Variants in HSP90AA1 observed in about 807,000 individuals in gnomAD.
The protein encoded by HSP90AA1 is heat shock protein 90 alpha family class A member 1.
In HSP90AA1, 18 loss-of-function variants were observed where a neutral mutation model predicts 73.3. The ratio of observed to expected loss-of-function variants is 0.25; its 90% CI spans 0.17 to 0.36. The LOEUF (loss-of-function observed/expected upper bound fraction) is 0.36, where lower values mean the gene tolerates loss of function less well. HSP90AA1 is among the 10% of genes least tolerant of loss of function. The pLI is 1.00. For synonymous variants in HSP90AA1, 477 were observed against 296.9 expected (o/e 1.61, Z -6.24); for missense variants, 704 against 874.2 (o/e 0.81, Z 2.45).
upstream of HSP90AA1, among the ~76,000 whole-genome samples, chr14:102,088,250 T>C (rs865793005): frequency 2.6e-5 from 4 of 152,182 alleles, no homozygotes; most frequent in Non-Finnish European, 4.4e-5. Context: ...CTTGGAGGCA[T>C]TGGGGTTCCT....
At chr14:102,139,659 G>A in exon 1 of HSP90AA1, 1 of 647,524 alleles carries the variant, frequency 1.5e-6, no homozygotes, top group Non-Finnish European at 2.6e-6. Context: ...CACCTGGGAA[G>A]CAGCCATGCC....
rs2049157303 is a variant in HSP90AA1 at position 102,083,945 on chromosome 14, G to A, written c.1186C>T (p.Leu396=). The part of the protein sequence containing the change: ...RGVVDSEDLP[L]NISREMLQQS... ...TGCAACATCTCACGGGATATGTTTA[G>A]AGGGAGATCCTCCGAGTCTACCACC... Residue 396 remains leucine (L), a synonymous_variant, in exon 7 of 11, where the codon CTA becomes TTA. Coordinates refer to ENST00000216281, the MANE Select transcript of HSP90AA1 (RefSeq NM_005348.4). 6.2e-7 allele frequency: 1 copy of A among 1,613,992 alleles called. No individual in the cohort carries two copies. The highest frequency in any genetic ancestry group is 8.5e-7 in the Non-Finnish European group (1 of 1,179,928).
rs577244259 is a variant in HSP90AA1 at position 102,130,769 on chromosome 14, G to A, written c.155+8481C>T. ...TTTTGAGACAGGGTCTCCCTCTGTT[G>A]CCCAGGCTGGAGTGTAGTGGTGCAA... On this transcript the variant is annotated intron_variant, in intron 1 of 11. Coordinates refer to the HSP90AA1 transcript ENST00000334701. Among the ~76,000 whole-genome samples the A allele has an allele frequency of 2.0e-5, 3 of 152,178 alleles. No individual in the cohort carries two copies. The East Asian group carries it at 5.8e-4, about 29-fold the overall frequency.
intron 1 of HSP90AA1, among the ~76,000 whole-genome samples, chr14:102,107,357 GC>G (rs1217306663): frequency 2.0e-5 from 3 of 151,816 alleles, no homozygotes; most frequent in Non-Finnish European, 4.4e-5. Context: ...ACGTAGTGTT[GC>G]TCTATTGCCA....
At chr14:102,124,251 G>A (rs1025758661) in intron 1 of HSP90AA1, among the ~76,000 whole-genome samples, 1 of 140,128 alleles carries the variant, frequency 7.1e-6, no homozygotes, top group Non-Finnish European at 1.5e-5. Context: ...GAGCACAATG[G>A]CACGATCTGG....
At chr14:102,093,328 G>A (rs1478661965) in intron 2 of HSP90AA1, among the ~76,000 whole-genome samples, 2 of 151,468 alleles carry the variant, frequency 1.3e-5, no homozygotes, top group Non-Finnish European at 2.9e-5. Flanking sequence ...GGCCAACATG[G>A]TGAAACGCTG....
Position 102,084,976 on chromosome 14 carries a change from T to A in HSP90AA1, c.686A>T (p.Glu229Val), listed in dbSNP as rs770104138. The A allele has an allele frequency of 6.2e-7, 1 of 1,613,184 alleles. No homozygotes were observed. ...TTCTTCAGCCTCATCATCGCTTACT[T>A]CTTTATCACGTTCCTTCTCCACCTT... The part of the protein sequence containing the change: ...TLFVEKERDK[E>V]VSDDEAEEKE... Residue 229 changes from glutamate (E) to valine (V), a missense_variant, in exon 5 of 11, where the codon GAA becomes GTA. By Grantham distance (121) the Glu-to-Val change is moderately radical. Transcript: ENST00000216281.
At chr14:102,124,873 CTTT>C (rs989332105) in intron 1 of HSP90AA1, among the ~76,000 whole-genome samples, 4 of 152,312 alleles carry the variant, frequency 2.6e-5, no homozygotes, top group African/African-American at 4.8e-5. Flanking sequence ...GTCCAGTGCT[CTTT>C]TTTGAGTATA....
At chr14:102,099,593 A>T (rs957312016) in intron 2 of HSP90AA1, among the ~76,000 whole-genome samples, 16 of 152,148 alleles carry the variant, frequency 1.1e-4, no homozygotes, top group African/African-American at 3.6e-4. Context: ...GAACTCCCTA[A>T]CATTGCATTT....
intron 3 of HSP90AA1, 129 bp from the exon 4 acceptor site, chr14:102,085,560 G>A (rs1194448906): frequency 1.7e-6 from 2 of 1,191,764 alleles, no homozygotes; most frequent in African/African-American, 1.5e-5. Context: ...CACCACAGCA[G>A]AACCTTTTGG....
At chr14:102,081,964 T>C in intron 10 of HSP90AA1, 143 bp from the exon 11 acceptor site, 1 of 764,936 alleles carries the variant, frequency 1.3e-6, no homozygotes, top group Admixed American at 2.0e-5. Flanking sequence ...TGTAAGACCT[T>C]ACTTATCCCT....
intron 1 of HSP90AA1, among the ~76,000 whole-genome samples, chr14:102,105,949 G>A (rs564434743): frequency 5.9e-4 from 90 of 152,152 alleles, no homozygotes; most frequent in South Asian, 2.1e-3. Flanking sequence ...ATGCACATGC[G>A]CCTGTAATCC....
At chr14:102,104,123 A>G (rs2049532192) in intron 1 of HSP90AA1, among the ~76,000 whole-genome samples, 1 of 152,102 alleles carries the variant, frequency 6.6e-6, no homozygotes, top group African/African-American at 2.4e-5. Flanking sequence ...ACAACCTCTT[A>G]GGAGCCAATG....
chr14:102,094,542 T>C (rs1425123163), intron 2 of HSP90AA1, among the ~76,000 whole-genome samples: 1 of 152,026 alleles, frequency 6.6e-6, no homozygotes, highest in African/African-American at 2.4e-5. Context: ...GGGAAGGGCA[T>C]GCAGGAGAGG....
chr14:102,101,858 A>C, intron 2 of HSP90AA1: 1 of 1,597,950 alleles, frequency 6.3e-7, no homozygotes. Flanking sequence ...AGTAATTTTA[A>C]ACCTTAGTCC....
chr14:102,101,046 G>A (rs1378646995), intron 2 of HSP90AA1, among the ~76,000 whole-genome samples: 1 of 152,114 alleles, frequency 6.6e-6, no homozygotes, highest in Non-Finnish European at 1.5e-5. Flanking sequence ...AGCCGGCTGG[G>A]GGCTGTGGCT....
intron 1 of HSP90AA1, among the ~76,000 whole-genome samples, chr14:102,134,108 G>A (rs1040074514): frequency 4.6e-5 from 7 of 150,652 alleles, no homozygotes; most frequent in East Asian, 2.0e-4. Flanking sequence ...CCGAGATTAC[G>A]CCACTGCACT....
chr14:102,126,287 A>G (rs1394307200), intron 1 of HSP90AA1, among the ~76,000 whole-genome samples: 1 of 152,230 alleles, frequency 6.6e-6, no homozygotes, highest in Non-Finnish European at 1.5e-5. Context: ...ACAAGTTACC[A>G]TAGCTCAGTA....
intron 2 of HSP90AA1, among the ~76,000 whole-genome samples, chr14:102,101,369 C>A (rs1297811969): frequency 2.6e-5 from 4 of 152,172 alleles, no homozygotes; most frequent in Admixed American, 2.6e-4. Context: ...AGCCCAAACT[C>A]CTCAGCATAG....
Sources: allele counts gnomAD v4.1 joint callset (sites outside exome capture counted in the v4.1 genomes callset), GRCh38; gene constraint gnomAD v4.1.1; transcripts MANE v1.5; gene names NCBI Gene and HGNC (gene_info 2026-07-23, HGNC 2026-07-21).